The following DGKI variants were observed in gnomAD, a reference collection of about 807,000 sequenced individuals.
The protein encoded by DGKI is diacylglycerol kinase iota.
In DGKI, 55 loss-of-function variants were observed where a neutral mutation model predicts 147.5. That is an observed-to-expected ratio of 0.37 (90% CI 0.30 to 0.47). The LOEUF (loss-of-function observed/expected upper bound fraction) is 0.47, where lower values mean the gene tolerates loss of function less well. Among genes scored for constraint, DGKI ranks in the 20% least tolerant of loss-of-function variants. The pLI, the probability that DGKI is intolerant of heterozygous loss-of-function variation, is 1.00. For synonymous variants in DGKI, 469 were observed against 477.1 expected, an observed-to-expected ratio of 0.98 and a Z score of 0.22; for missense variants, 1,007 against 1,323.8, an observed-to-expected ratio of 0.76 and a Z score of 3.71.
At chr7:137,472,460 T>C (rs1815019173) in intron 23 of DGKI, among the ~76,000 whole-genome samples, 3 of 139,774 alleles carry the variant, frequency 2.1e-5, no homozygotes, top group Non-Finnish European at 3.0e-5. Flanking sequence ...ACGTATATAT[T>C]ATATGTTATA....
At position 137,488,530 on chromosome 7, in the gene DGKI, T is replaced by A. The variant is rs78033912; in HGVS notation, c.2249-841A>T. Among the ~76,000 whole-genome samples the A allele has an allele frequency of 5.5e-3, 810 of 147,302 alleles. 11 individuals carry two copies. The highest frequency in any genetic ancestry group is 0.018 in the African/African-American group (752 of 40,746). On this transcript the variant is annotated intron_variant, in intron 21 of 32. Coordinates refer to ENST00000614521, the MANE Select transcript of DGKI (RefSeq NM_001321708.2). ...CTTCTTTCCAAAACTTAAAAAAAAA[T>A]CTACAAATTTCTCATTTTAAAAGTA... is the stretch of plus-strand genomic sequence containing the variant.
At chr7:137,618,149 A>ATTTTTTT (rs1202086534) in intron 8 of DGKI, among the ~76,000 whole-genome samples, 1 of 6,842 alleles carries the variant, frequency 1.5e-4, no homozygotes, top group Non-Finnish European at 4.8e-4. Flanking sequence ...ATATATATAT[A>ATTTTTTT]TATTTTTTTT....
intron 27 of DGKI, among the ~76,000 whole-genome samples, chr7:137,453,968 G>A (rs1191756881): frequency 1.3e-5 from 2 of 150,396 alleles, no homozygotes; most frequent in Non-Finnish European, 3.0e-5. Context: ...GATATATTTG[G>A]CTTTTAGAAA....
chr7:137,425,095 G>T (rs1812739039), intron 28 of DGKI, among the ~76,000 whole-genome samples: 1 of 152,144 alleles, frequency 6.6e-6, no homozygotes, highest in Admixed American at 6.5e-5. Flanking sequence ...TCCTCAAATG[G>T]GTCCCTGACC....
At chr7:137,593,698 T>C in intron 12 of DGKI, among the ~76,000 whole-genome samples, 1 of 152,324 alleles carries the variant, frequency 6.6e-6, no homozygotes, top group Non-Finnish European at 1.5e-5. Flanking sequence ...GAACATAAAA[T>C]ATCTTAACAA....
At chr7:137,705,037 G>A (rs1055986482) in intron 1 of DGKI, among the ~76,000 whole-genome samples, 7 of 152,134 alleles carry the variant, frequency 4.6e-5, no homozygotes, top group African/African-American at 1.7e-4. Flanking sequence ...AGCTATCTGG[G>A]TAATGTAAAG....
intron 27 of DGKI, among the ~76,000 whole-genome samples, chr7:137,451,299 C>T (rs1454313494): frequency 2.6e-5 from 4 of 152,136 alleles, no homozygotes; most frequent in Non-Finnish European, 5.9e-5. Flanking sequence ...TGGAATGAAT[C>T]ATTTTATTAG....
intron 28 of DGKI, among the ~76,000 whole-genome samples, chr7:137,426,228 G>A (rs1812797990): frequency 1.3e-5 from 2 of 152,182 alleles, no homozygotes; most frequent in South Asian, 4.1e-4. Context: ...AGCCAGAAGA[G>A]AGTGGGGGCC....
chr7:137,399,771 G>A (rs1306669811), intron 30 of DGKI, among the ~76,000 whole-genome samples: 4 of 152,018 alleles, frequency 2.6e-5, no homozygotes, highest in African/African-American at 9.7e-5. Flanking sequence ...TTAGCCCAGC[G>A]TGGTGGTGTG....
At chr7:137,642,928 T>TTGTGTGTGTGTG (rs1211795511) in intron 6 of DGKI, among the ~76,000 whole-genome samples, 3 of 46,192 alleles carry the variant, frequency 6.5e-5, no homozygotes, top group South Asian at 1.9e-3. Flanking sequence ...AATTATGGAA[T>TTGTGTGTGTGTG]AGTGTGTGTG....
intron 7 of DGKI, among the ~76,000 whole-genome samples, chr7:137,621,872 C>T (rs1820760176): frequency 6.6e-6 from 1 of 152,186 alleles, no homozygotes; most frequent in Non-Finnish European, 1.5e-5. Context: ...TCTGAGCACA[C>T]CGCTGCCCAG....
At chr7:137,690,569 T>C (rs1823569077) in intron 1 of DGKI, among the ~76,000 whole-genome samples, 1 of 152,224 alleles carries the variant, frequency 6.6e-6, no homozygotes, top group Admixed American at 6.5e-5. Context: ...AAGACTGCTT[T>C]GCATCTGCCA....
chr7:137,618,163 T>A (rs1181831967), intron 8 of DGKI, among the ~76,000 whole-genome samples: 8 of 29,926 alleles, frequency 2.7e-4, no homozygotes, highest in Non-Finnish European at 5.5e-4. Context: ...TTTTTTTTTT[T>A]TACTCTATCA....
chr7:137,514,704 A>G (rs1816695348), intron 21 of DGKI, among the ~76,000 whole-genome samples: 1 of 152,148 alleles, frequency 6.6e-6, no homozygotes, highest in Admixed American at 6.6e-5. Context: ...CGAATCCATC[A>G]TCTCATCCTA....
chr7:137,513,038 C>T (rs924935312), intron 21 of DGKI, among the ~76,000 whole-genome samples: 2 of 152,132 alleles, frequency 1.3e-5, no homozygotes, highest in Non-Finnish European at 2.9e-5. Context: ...GCAATTCTGC[C>T]GAACCCTGTC....
At chr7:137,656,616 G>A in intron 3 of DGKI, 76 bp from the exon 4 acceptor site, 1 of 1,330,522 alleles carries the variant, frequency 7.5e-7, no homozygotes, top group South Asian at 1.2e-5. Flanking sequence ...ATTAAAGTGG[G>A]CATATATAAT....
chr7:137,744,602 A>G (rs1239251356), intron 1 of DGKI, among the ~76,000 whole-genome samples: 1 of 152,156 alleles, frequency 6.6e-6, no homozygotes, highest in Non-Finnish European at 1.5e-5. Context: ...AAATAAAACT[A>G]TAGGCCAATA....
At chr7:137,746,281 C>T (rs1795327132) in intron 1 of DGKI, among the ~76,000 whole-genome samples, 1 of 152,098 alleles carries the variant, frequency 6.6e-6, no homozygotes, top group African/African-American at 2.4e-5. Context: ...CCTAGAATAT[C>T]AAGAGAGAGG....
chr7:137,781,058 C>T (rs1465255661), intron 1 of DGKI, among the ~76,000 whole-genome samples: 1 of 152,206 alleles, frequency 6.6e-6, no homozygotes, highest in Non-Finnish European at 1.5e-5. Context: ...AGCATCTAGG[C>T]TTGCTGGCTG....
Sources: gnomAD v4.1 joint callset for allele counts (sites outside exome capture counted in the v4.1 genomes callset) on GRCh38, gnomAD v4.1.1 for gene constraint, MANE v1.5 for transcripts, NCBI Gene and HGNC (gene_info 2026-07-23, HGNC 2026-07-21) for gene names.